PREX2: variants seen among roughly 807,000 people sequenced by gnomAD.
PREX2 encodes phosphatidylinositol-3,4,5-trisphosphate dependent Rac exchange factor 2.
Under a neutral mutation model 203.2 loss-of-function variants are expected in PREX2, and 107 were observed. The ratio of observed to expected loss-of-function variants is 0.53; its 90% CI spans 0.45 to 0.62. The LOEUF (loss-of-function observed/expected upper bound fraction) is 0.62. Among genes scored for constraint, PREX2 ranks in the 20% least tolerant of loss-of-function variants. PREX2 has a pLI of 0.00. For synonymous variants in PREX2, 672 were observed against 663.6 expected, an observed-to-expected ratio of 1.01 and a Z score of -0.19; for missense variants, 1,777 against 1,955.9, an observed-to-expected ratio of 0.91 and a Z score of 1.72.
At chr8:68,113,983 T>G (rs1013765657) in intron 25 of PREX2, among the ~76,000 whole-genome samples, 1 of 152,128 alleles carries the variant, frequency 6.6e-6, no homozygotes, top group African/African-American at 2.4e-5. Flanking sequence ...TGCCTCAGTC[T>G]CCTGAGTAGC....
At chr8:68,158,963 A>C (rs899588065) in intron 35 of PREX2, among the ~76,000 whole-genome samples, 1 of 152,134 alleles carries the variant, frequency 6.6e-6, no homozygotes, top group Non-Finnish European at 1.5e-5. Flanking sequence ...AGTATCGTCA[A>C]TTTAGTTTCA....
intron 37 of PREX2, among the ~76,000 whole-genome samples, chr8:68,205,889 G>T (rs963510474): frequency 3.3e-5 from 5 of 152,080 alleles, no homozygotes; most frequent in African/African-American, 1.2e-4. Context: ...TACTTACTTA[G>T]CATGCTTCAA....
rs117603350 is a variant in PREX2, at chr8:68,055,498, T to C, written c.1094-332T>C. 7.5e-3 allele frequency among the ~76,000 whole-genome samples: 1,138 copies of C among 152,228 alleles called. 8 individuals carry two copies. The highest frequency in any genetic ancestry group is 0.024 in the Middle Eastern group (7 of 294). On this transcript the variant is annotated intron_variant, in intron 9 of 39. Transcript: ENST00000288368. ...CAGAACTGTCTCTAGGGCTACTCTG[T>C]CCAGTTCTGCGGATCTAACTCTGAG...
At chr8:68,012,098 T>C (rs1807280973) in intron 1 of PREX2, among the ~76,000 whole-genome samples, 1 of 152,188 alleles carries the variant, frequency 6.6e-6, no homozygotes, top group South Asian at 2.1e-4. Flanking sequence ...CAAAACTCTG[T>C]GCCTTGTATG....
chr8:68,025,819 A>C (rs1467712468), intron 4 of PREX2, among the ~76,000 whole-genome samples: 2 of 152,052 alleles, frequency 1.3e-5, no homozygotes, highest in Non-Finnish European at 2.9e-5. Context: ...AGCCAGTCTA[A>C]AGTGGTAGCC....
Position 68,034,991 on chromosome 8 carries a change from C to T in PREX2, c.706-3168C>T, listed in dbSNP as rs140136014. On this transcript the variant is annotated intron_variant, in intron 6 of 39. Transcript: ENST00000288368. ...GAAAATGAATCCAGTTTAAAAGAGG[C>T]GCAAAATTTCAATGAAGTGGAAGGG... Among the ~76,000 whole-genome samples, 780 of 151,812 alleles carry T rather than the reference C, an allele frequency of 5.1e-3. 6 individuals are homozygous for T. Among genetic ancestry groups the T allele is most frequent in the African/African-American group, 0.018 (744 of 41,344 alleles).
chr8:68,157,301 T>C (rs376343518), intron 34 of PREX2, 21 bp from the exon 35 acceptor site: 238 of 1,334,322 alleles, frequency 1.8e-4, no homozygotes, highest in Non-Finnish European at 2.4e-4. Flanking sequence ...GCTTGTAAAA[T>C]ATGTTTACTT....
At chr8:68,044,348 A>T (rs892955028) in intron 7 of PREX2, 139 bp from the exon 8 acceptor site, 1 of 608,412 alleles carries the variant, frequency 1.6e-6, no homozygotes, top group South Asian at 2.2e-5. Context: ...GGACAAATGG[A>T]AAGATCTCCA....
intron 39 of PREX2, among the ~76,000 whole-genome samples, chr8:68,225,198 T>G (rs1813034855): frequency 6.6e-6 from 1 of 152,198 alleles, no homozygotes. Context: ...TTCTTTGGAT[T>G]TTATTTATTA....
At chr8:68,000,183 T>C (rs1421986054) in intron 1 of PREX2, among the ~76,000 whole-genome samples, 1 of 152,218 alleles carries the variant, frequency 6.6e-6, no homozygotes, top group Non-Finnish European at 1.5e-5. Context: ...GACATGATCC[T>C]ATATCTATAA....
chr8:67,977,428 A>G (rs1301264046), intron 1 of PREX2, among the ~76,000 whole-genome samples: 1 of 152,244 alleles, frequency 6.6e-6, no homozygotes, highest in Non-Finnish European at 1.5e-5. Context: ...TAAATTATTA[A>G]TAAATTTCAC....
At chr8:68,202,746 CAG>C (rs747601425) in intron 37 of PREX2, among the ~76,000 whole-genome samples, 10 of 152,096 alleles carry the variant, frequency 6.6e-5, no homozygotes, top group African/African-American at 2.4e-4. Context: ...CAGAGAGAGA[CAG>C]AGAGACGAAG....
At chr8:68,097,264 CTCCTTCACTT>C in intron 22 of PREX2, 63 bp downstream of exon 22, 1 of 1,341,678 alleles carries the variant, frequency 7.5e-7, no homozygotes, top group Middle Eastern at 2.0e-4. Flanking sequence ...AATCCTCCCT[CTCCTTCACTT>C]AAAAAAATAA....
At chr8:68,104,764 T>C (rs1280699133) in intron 23 of PREX2, among the ~76,000 whole-genome samples, 2 of 152,208 alleles carry the variant, frequency 1.3e-5, no homozygotes, top group Non-Finnish European at 2.9e-5. Context: ...TTCCCCAACA[T>C]GCTGAGGGCA....
intron 1 of PREX2, among the ~76,000 whole-genome samples, chr8:67,958,751 A>G (rs568288663): frequency 9.2e-5 from 14 of 152,322 alleles, no homozygotes; most frequent in African/African-American, 3.4e-4. Flanking sequence ...GTATACTCTC[A>G]GAAGTGGAGG....
chr8:68,089,253 T>C (rs535699288), intron 19 of PREX2, among the ~76,000 whole-genome samples: 2 of 151,796 alleles, frequency 1.3e-5, no homozygotes, highest in Admixed American at 1.3e-4. Context: ...TGTCTCCCAA[T>C]TGACTGTCTT....
At chr8:68,062,398 A>T (rs1468640180) in intron 11 of PREX2, among the ~76,000 whole-genome samples, 3 of 152,188 alleles carry the variant, frequency 2.0e-5, no homozygotes, top group African/African-American at 7.2e-5. Context: ...GACCTATTAC[A>T]TGCCCTAAAC....
intron 35 of PREX2, among the ~76,000 whole-genome samples, chr8:68,163,245 CTAGTT>C (rs1192716701): frequency 6.6e-6 from 1 of 152,162 alleles, no homozygotes; most frequent in African/African-American, 2.4e-5. Flanking sequence ...ATAAAACTCT[CTAGTT>C]TAAAAGGACA....
chr8:68,166,389 G>A (rs868260112), intron 35 of PREX2, among the ~76,000 whole-genome samples: 7 of 152,076 alleles, frequency 4.6e-5, no homozygotes, highest in South Asian at 2.1e-4. Flanking sequence ...AGGAAGAAAC[G>A]AAAGCAAAAT....
Sources: gnomAD v4.1 joint callset for allele counts (sites outside exome capture counted in the v4.1 genomes callset) on GRCh38, gnomAD v4.1.1 for gene constraint, MANE v1.5 for transcripts, NCBI Gene and HGNC (gene_info 2026-07-23, HGNC 2026-07-21) for gene names.